SGCD: variants seen among roughly 807,000 people sequenced by gnomAD.
The protein encoded by SGCD is delta-sarcoglycan.
Under a neutral mutation model 36.6 loss-of-function variants are expected in SGCD, and 18 were observed. That is an observed-to-expected ratio of 0.49 (90% confidence interval 0.34 to 0.73). The LOEUF (loss-of-function observed/expected upper bound fraction) is 0.73. Among genes scored for constraint, SGCD ranks in the 30% least tolerant of loss-of-function variants. The pLI is 0.01. For synonymous variants in SGCD, 133 were observed against 130.6 expected, an observed-to-expected ratio of 1.02 and a Z score of -0.12; for missense variants, 387 against 346.7, an observed-to-expected ratio of 1.12 and a Z score of -0.92.
At chr5:156,556,125 A>C (rs1759010961) in intron 4 of SGCD, among the ~76,000 whole-genome samples, 1 of 151,692 alleles carries the variant, frequency 6.6e-6, no homozygotes. Flanking sequence ...GATAAGAAAA[A>C]AAAAAAAAAA....
At chr5:155,969,993 T>G (rs1336961028) in intron 1 of SGCD, among the ~76,000 whole-genome samples, 1 of 152,016 alleles carries the variant, frequency 6.6e-6, no homozygotes, top group South Asian at 2.1e-4. Context: ...TTATTGTCTT[T>G]GTAAGCCTTT....
intron 1 of SGCD, among the ~76,000 whole-genome samples, chr5:156,016,886 G>A (rs1176674352): frequency 1.3e-5 from 2 of 152,142 alleles, no homozygotes; most frequent in Admixed American, 1.3e-4. Flanking sequence ...ATTTTTGTAT[G>A]TTTGTGTTGG....
At chr5:156,755,132 AAAGG>A (rs1249570879) in intron 7 of SGCD, among the ~76,000 whole-genome samples, 1 of 152,172 alleles carries the variant, frequency 6.6e-6, no homozygotes, top group African/African-American at 2.4e-5. Context: ...AAGAGGAGGG[AAAGG>A]AAGAAAGATT....
intron 7 of SGCD, among the ~76,000 whole-genome samples, chr5:156,649,171 A>T (rs918906364): frequency 2.6e-5 from 4 of 152,206 alleles, no homozygotes; most frequent in Admixed American, 2.0e-4. Flanking sequence ...ATACCATCTC[A>T]CACCAGTTAG....
intron 1 of SGCD, among the ~76,000 whole-genome samples, chr5:156,077,747 C>G (rs1328971757): frequency 6.6e-6 from 1 of 152,138 alleles, no homozygotes; most frequent in African/African-American, 2.4e-5. Flanking sequence ...AAGAACTTAT[C>G]TGCCTGGAAA....
upstream of SGCD, among the ~76,000 whole-genome samples, chr5:155,868,020 C>T (rs1175848135): frequency 6.6e-6 from 1 of 151,924 alleles, no homozygotes; most frequent in Admixed American, 6.6e-5. Flanking sequence ...GTAAAATTCA[C>T]AAGTTAAGTT....
intron 3 of SGCD, among the ~76,000 whole-genome samples, chr5:156,131,506 A>T (rs1762323248): frequency 6.6e-6 from 1 of 152,244 alleles, no homozygotes; most frequent in East Asian, 1.9e-4. Flanking sequence ...TTATATGAAC[A>T]ATGACATTCC....
chr5:156,203,309 T>C (rs1273793968), intron 3 of SGCD, among the ~76,000 whole-genome samples: 1 of 152,114 alleles, frequency 6.6e-6, no homozygotes, highest in Non-Finnish European at 1.5e-5. Context: ...TTCTTCAAGA[T>C]CACCATAAGA....
chr5:156,367,579 G>A (rs1275629751), intron 3 of SGCD, among the ~76,000 whole-genome samples: 1 of 152,156 alleles, frequency 6.6e-6, no homozygotes, highest in African/African-American at 2.4e-5. Context: ...CAACATATTG[G>A]AACATACGGA....
chr5:156,178,738 G>A (rs1763531222), intron 3 of SGCD, among the ~76,000 whole-genome samples: 1 of 152,032 alleles, frequency 6.6e-6, no homozygotes, highest in Non-Finnish European at 1.5e-5. Flanking sequence ...ACCATGCCTG[G>A]CTAATTTTTG....
At chr5:155,911,295 G>GTA (rs1756625117) in intron 1 of SGCD, among the ~76,000 whole-genome samples, 1 of 72,412 alleles carries the variant, frequency 1.4e-5, no homozygotes, top group African/African-American at 4.9e-5. Flanking sequence ...TATAGTATAT[G>GTA]TGTGTGTGTG....
intron 3 of SGCD, among the ~76,000 whole-genome samples, chr5:156,421,216 G>A (rs1773292024): frequency 6.6e-6 from 1 of 152,026 alleles, no homozygotes; most frequent in South Asian, 2.1e-4. Context: ...TTTCTTTCAT[G>A]TCCATTAAAC....
At chr5:156,297,043 A>T (rs1766915196) in intron 3 of SGCD, among the ~76,000 whole-genome samples, 2 of 151,532 alleles carry the variant, frequency 1.3e-5, no homozygotes, top group Admixed American at 1.3e-4. Context: ...ATATATATAT[A>T]TATGGGATAT....
At chr5:155,984,061 C>T (rs1268696652) in intron 1 of SGCD, among the ~76,000 whole-genome samples, 1 of 152,200 alleles carries the variant, frequency 6.6e-6, no homozygotes, top group African/African-American at 2.4e-5. Flanking sequence ...AACAATCTCT[C>T]CTTGTTTGAA....
chr5:156,175,902 A>ATGCTTACCTAAAATTAGGTAAGAT (rs1763455337), intron 3 of SGCD, among the ~76,000 whole-genome samples: 1 of 152,122 alleles, frequency 6.6e-6, no homozygotes, highest in African/African-American at 2.4e-5. Flanking sequence ...TCAGGTGGAC[A>ATGCTTACCTAAAATTAGGTAAGAT]CATTCTTACC....
intron 2 of SGCD, among the ~76,000 whole-genome samples, chr5:156,335,465 T>C (rs1398723318): frequency 6.6e-6 from 1 of 152,030 alleles, no homozygotes; most frequent in East Asian, 1.9e-4. Context: ...TATCCTGGAG[T>C]CTTAAAGATT....
intron 3 of SGCD, among the ~76,000 whole-genome samples, chr5:156,430,265 C>T (rs1773876123): frequency 6.6e-6 from 1 of 152,078 alleles, no homozygotes; most frequent in African/African-American, 2.4e-5. Flanking sequence ...TATCTTCTAG[C>T]TCTGAAATTC....
chr5:156,754,994 G>A (rs1757283690), intron 7 of SGCD, among the ~76,000 whole-genome samples: 1 of 152,158 alleles, frequency 6.6e-6, no homozygotes, highest in Non-Finnish European at 1.5e-5. Context: ...TTGGGAAAAA[G>A]GAAAAACTAG....
the SGCD span, among the ~76,000 whole-genome samples, chr5:155,796,836 A>G: frequency 6.7e-6 from 1 of 149,678 alleles, no homozygotes; most frequent in African/African-American, 2.5e-5. Flanking sequence ...AAAAAAATCA[A>G]TGATTCAAGC....
Sources: gnomAD v4.1 joint callset for allele counts (sites outside exome capture counted in the v4.1 genomes callset) on GRCh38, gnomAD v4.1.1 for gene constraint, MANE v1.5 for transcripts, NCBI Gene and HGNC (gene_info 2026-07-23, HGNC 2026-07-21) for gene names.